The following EPRS1 variants were observed in gnomAD, a reference collection of about 807,000 sequenced individuals.
The protein encoded by EPRS1 is bifunctional glutamate/proline--tRNA ligase.
In EPRS1, 107 loss-of-function variants were observed where a neutral mutation model predicts 188.3. The observed-to-expected ratio is 0.57, with a 90% confidence interval of 0.49 to 0.67. The LOEUF (loss-of-function observed/expected upper bound fraction) is 0.67. Among genes scored for constraint, EPRS1 ranks in the 30% least tolerant of loss-of-function variants. The pLI is 0.00. For synonymous variants in EPRS1, 596 were observed against 593.1 expected, an observed-to-expected ratio of 1.00 and a Z score of -0.07; for missense variants, 1,577 against 1,802.2, an observed-to-expected ratio of 0.88 and a Z score of 2.26.
At chr1:220,001,693 CT>C (rs1661355130) in intron 16 of EPRS1, among the ~76,000 whole-genome samples, 1 of 152,170 alleles carries the variant, frequency 6.6e-6, no homozygotes, top group African/African-American at 2.4e-5. Flanking sequence ...AAATCAGAGG[CT>C]CTTCAGAATA....
intron 2 of EPRS1, among the ~76,000 whole-genome samples, chr1:220,037,623 A>C (rs1456271688): frequency 1.3e-5 from 2 of 152,130 alleles, no homozygotes; most frequent in African/African-American, 4.8e-5. Context: ...ACATTTTTCA[A>C]AGAAAAAATG....
rs987547754 is a variant in EPRS1, at chr1:220,018,247, T to C, written c.1494+202A>G. 3 of 1,067,070 alleles carry C rather than the reference T, an allele frequency of 2.8e-6. No homozygotes were observed. In the African/African-American group the frequency reaches 4.7e-5, roughly 17 times the overall value. 66.1% of individuals were successfully genotyped at this position (1,067,070 alleles called of 1,614,324 possible). On this transcript the variant is annotated intron_variant, in intron 12 of 31. Coordinates refer to ENST00000366923, the MANE Select transcript of EPRS1 (RefSeq NM_004446.3). ...CCAAGTTTGTTTGTTTCAATCATTG[T>C]TACTTATTTGGAATAGTTAATAGGC... is the stretch of plus-strand genomic sequence containing the variant.
intron 8 of EPRS1, among the ~76,000 whole-genome samples, chr1:220,023,071 A>G (rs545574048): frequency 4.6e-5 from 7 of 152,304 alleles, no homozygotes; most frequent in Admixed American, 1.3e-4. Flanking sequence ...CATCATCCCA[A>G]TGAGAAGCAG....
chr1:220,008,423 T>C (rs1400857264), intron 13 of EPRS1, among the ~76,000 whole-genome samples: 5 of 151,730 alleles, frequency 3.3e-5, no homozygotes, highest in Admixed American at 1.3e-4. Context: ...AGTAAGAAGA[T>C]CTTTTGAAAT....
At position 220,018,448 on chromosome 1, in the gene EPRS1, C is replaced by T. The variant is rs377639302; in HGVS notation, c.1494+1G>A. 3 of 1,606,362 alleles carry T rather than the reference C, an allele frequency of 1.9e-6. No homozygotes were observed. Among genetic ancestry groups the T allele is most frequent in the Non-Finnish European group, 2.6e-6 (3 of 1,173,918 alleles). ...AGAAGGCAGAGAGTTAACATACATA[C>T]CTTTTTGTTAAACGCCCAGATTTTG... On this transcript the variant is annotated splice_donor_variant, in intron 12 of 31. Coordinates refer to ENST00000366923, the MANE Select transcript of EPRS1 (RefSeq NM_004446.3). LOFTEE classifies it high-confidence loss of function.
At position 219,982,850 on chromosome 1, in the gene EPRS1, A is replaced by G. The variant is rs1401843826; in HGVS notation, c.3301-6T>C. The G allele has an allele frequency of 1.4e-5, 23 of 1,613,402 alleles. No individual in the cohort carries two copies. Among genetic ancestry groups the G allele is most frequent in the Non-Finnish European group, 1.9e-5 (22 of 1,179,450 alleles). On this transcript the variant is annotated splice_region_variant and splice_polypyrimidine_tract_variant and intron_variant, in intron 22 of 31. Coordinates refer to ENST00000366923, the MANE Select transcript of EPRS1 (RefSeq NM_004446.3). ...GATCTTGTAACCCAAGCAACCTAGT[A>G]AGAAAAAATCATTTTTCATACTTTT...
In EPRS1 at chr1:219,968,825, A is replaced by T; in HGVS notation, c.4520T>A (p.Leu1507Ter). 1 of 1,614,140 alleles carries T rather than the reference A, an allele frequency of 6.2e-7. No individual in the cohort carries two copies. The highest frequency in any genetic ancestry group is 1.1e-5 in the South Asian group (1 of 91,072). ...CGKNPAKYYT[L>*]FGRSY ...CATCCCTCAGTAGCTGCGACCAAAT[A>T]AGGTGTAGTACTTGGCAGGGTTCTT... The change falls in exon 32 of 32, where the codon TTA (leucine) becomes TAA (stop). Residue 1507 changes from leucine to a stop codon, truncating the protein, a stop_gained. Transcript: ENST00000366923. LOFTEE classifies it high-confidence loss of function.
chr1:220,000,646 G>A (rs1374584794), intron 17 of EPRS1, among the ~76,000 whole-genome samples: 2 of 151,980 alleles, frequency 1.3e-5, no homozygotes, highest in African/African-American at 2.4e-5. Context: ...TATGATAAAT[G>A]CTGATAAATA....
At chr1:220,038,681 T>A (rs1167983862) in intron 2 of EPRS1, among the ~76,000 whole-genome samples, 1 of 152,092 alleles carries the variant, frequency 6.6e-6, no homozygotes, top group African/African-American at 2.4e-5. Flanking sequence ...CCTGGCCACA[T>A]ACCCTGTTTC....
chr1:220,021,551 T>C (rs1661878628), intron 9 of EPRS1, among the ~76,000 whole-genome samples: 2 of 152,350 alleles, frequency 1.3e-5, no homozygotes, highest in South Asian at 4.1e-4. Flanking sequence ...TACTGCATTA[T>C]GCTTTGCAAT....
At chr1:219,998,639 T>C (rs1427584309) in intron 17 of EPRS1, among the ~76,000 whole-genome samples, 2 of 149,216 alleles carry the variant, frequency 1.3e-5, no homozygotes, top group Admixed American at 1.4e-4. Flanking sequence ...GCCTCCCGGG[T>C]TCAAGTGATT....
At chr1:220,019,766 T>C (rs1287275895) in intron 10 of EPRS1, among the ~76,000 whole-genome samples, 1 of 152,152 alleles carries the variant, frequency 6.6e-6, no homozygotes, top group Non-Finnish European at 1.5e-5. Context: ...TCATGTGTGT[T>C]TTTCATTCCA....
chr1:220,001,615 G>C (rs1420159194), intron 16 of EPRS1, among the ~76,000 whole-genome samples: 1 of 152,144 alleles, frequency 6.6e-6, no homozygotes, highest in Non-Finnish European at 1.5e-5. Flanking sequence ...GGGATAACAG[G>C]TGTGAGCCAC....
At chr1:220,026,228 C>CTCA (rs1436765914) in intron 6 of EPRS1, among the ~76,000 whole-genome samples, 2 of 152,118 alleles carry the variant, frequency 1.3e-5, no homozygotes, top group Non-Finnish European at 2.9e-5. Flanking sequence ...TCCCAAAGGT[C>CTCA]TCATCAGCAC....
At chr1:220,016,773 A>G (rs545848413) in intron 12 of EPRS1, among the ~76,000 whole-genome samples, 1 of 150,150 alleles carries the variant, frequency 6.7e-6, no homozygotes, top group East Asian at 2.0e-4. Flanking sequence ...AATGAGAGGG[A>G]GAGACAAAGC....
intron 23 of EPRS1, among the ~76,000 whole-genome samples, chr1:219,981,802 C>T (rs181274406): frequency 7.1e-4 from 108 of 152,280 alleles, no homozygotes; most frequent in African/African-American, 2.4e-3. Context: ...AAGTTCTCTG[C>T]ATTCATTGAC....
Position 220,046,421 on chromosome 1 carries a change from G to C in EPRS1, c.-33C>G, listed in dbSNP as rs376735829. The C allele has an allele frequency of 1.9e-6, 3 of 1,613,372 alleles. No homozygotes were observed. The highest frequency in any genetic ancestry group is 2.2e-5 in the East Asian group (1 of 44,854). ...AGTCCGCTGGTCCACCTGTCAGTAC[G>C]CCTGGCTCGTGCCAGAACTACGGAG... On this transcript the variant is annotated 5_prime_UTR_variant, in exon 1 of 32. Coordinates refer to ENST00000366923, the MANE Select transcript of EPRS1 (RefSeq NM_004446.3).
chr1:220,040,182 T>A lies in EPRS1; in HGVS notation c.131+3A>T. ...CTGAAAATAAAAAGATGAAAACACT[T>A]ACTCAGAAACATGAAGAATATTCTC... On this transcript the variant is annotated splice_donor_region_variant and intron_variant, in intron 2 of 31. Coordinates refer to ENST00000366923, the MANE Select transcript of EPRS1 (RefSeq NM_004446.3). The A allele has an allele frequency of 6.3e-7, 1 of 1,579,510 alleles. No homozygotes were observed. The highest frequency in any genetic ancestry group is 8.7e-7 in the Non-Finnish European group (1 of 1,153,582).
intron 17 of EPRS1, among the ~76,000 whole-genome samples, chr1:220,000,466 T>C (rs1661328926): frequency 1.3e-5 from 2 of 152,244 alleles, no homozygotes; most frequent in Non-Finnish European, 2.9e-5. Flanking sequence ...TTAGAAGCTA[T>C]TAAGTCAGAT....
Sources: allele counts gnomAD v4.1 joint callset (sites outside exome capture counted in the v4.1 genomes callset), GRCh38; gene constraint gnomAD v4.1.1; transcripts MANE v1.5; gene names NCBI Gene and HGNC (gene_info 2026-07-23, HGNC 2026-07-21).